The following DLGAP2 variants were observed in gnomAD, a reference collection of about 807,000 sequenced individuals.
The protein encoded by DLGAP2 is DLG associated protein 2.
In DLGAP2, 26 loss-of-function variants were observed where a neutral mutation model predicts 100.3. That is an observed-to-expected ratio of 0.26 (90% CI 0.19 to 0.36). DLGAP2 has a LOEUF of 0.36. DLGAP2 is among the 10% of genes least tolerant of loss of function. DLGAP2 has a pLI of 1.00. For missense variants in DLGAP2, 1,858 were observed against 1,453.2 expected (o/e 1.28, Z -4.53); for synonymous variants, 886 against 630.1 (o/e 1.41, Z -6.08).
At chr8:1,420,879 C>T (rs542398610) in intron 3 of DLGAP2, among the ~76,000 whole-genome samples, 3 of 152,304 alleles carry the variant, frequency 2.0e-5, no homozygotes, top group Admixed American at 6.5e-5. Flanking sequence ...TTGGTGTCTT[C>T]GTTGCCTGGG....
intron 2 of DLGAP2, among the ~76,000 whole-genome samples, chr8:1,167,402 T>C (rs1260066933): frequency 1.3e-5 from 2 of 151,770 alleles, no homozygotes; most frequent in Non-Finnish European, 2.9e-5. Flanking sequence ...CAGAGAGGGG[T>C]GAGGCTGGCA....
At chr8:1,364,624 T>G (rs1802067699) in intron 3 of DLGAP2, among the ~76,000 whole-genome samples, 1 of 152,246 alleles carries the variant, frequency 6.6e-6, no homozygotes. Flanking sequence ...TCAGTGGTTC[T>G]GTCAGTGACA....
chr8:1,535,202 A>T (rs1051039106), intron 4 of DLGAP2, among the ~76,000 whole-genome samples: 12 of 152,176 alleles, frequency 7.9e-5, no homozygotes, highest in African/African-American at 2.4e-4. Context: ...CTGTGAAGAC[A>T]CTCAGAGGGC....
At chr8:1,267,958 A>C (rs1799502847) in intron 3 of DLGAP2, among the ~76,000 whole-genome samples, 1 of 152,334 alleles carries the variant, frequency 6.6e-6, no homozygotes, top group South Asian at 2.1e-4. Context: ...TTACAATATA[A>C]GTGCTGCATT....
chr8:1,260,579 A>G (rs544162211), intron 3 of DLGAP2, among the ~76,000 whole-genome samples: 3 of 151,478 alleles, frequency 2.0e-5, no homozygotes, highest in African/African-American at 7.3e-5. Context: ...ATCACCCCGG[A>G]GTCCTGGCTC....
chr8:921,501 C>T (rs1480217467), intron 2 of DLGAP2, among the ~76,000 whole-genome samples: 3 of 152,236 alleles, frequency 2.0e-5, no homozygotes, highest in Non-Finnish European at 2.9e-5. Context: ...GGCCACGTGG[C>T]CACGTGCTTT....
chr8:1,190,752 G>A (rs578250605), intron 2 of DLGAP2, among the ~76,000 whole-genome samples: 1 of 152,270 alleles, frequency 6.6e-6, no homozygotes, highest in South Asian at 2.1e-4. Context: ...CTTACACCAG[G>A]GGCAGACCCA....
chr8:816,252 T>C (rs989535140), intron 1 of DLGAP2, among the ~76,000 whole-genome samples: 3 of 148,604 alleles, frequency 2.0e-5, no homozygotes, highest in Non-Finnish European at 4.4e-5. Flanking sequence ...TTCATCATGC[T>C]ATTTGTTTCC....
chr8:779,296 G>A (rs984410455), intron 1 of DLGAP2, among the ~76,000 whole-genome samples: 3 of 152,160 alleles, frequency 2.0e-5, no homozygotes, highest in Non-Finnish European at 2.9e-5. Flanking sequence ...GAAATCACCC[G>A]TCTTCTGCCT....
chr8:1,025,574 C>G (rs942573139), intron 2 of DLGAP2, among the ~76,000 whole-genome samples: 9 of 152,200 alleles, frequency 5.9e-5, no homozygotes, highest in African/African-American at 2.2e-4. Context: ...CGGAGAGCAG[C>G]TGTGTGGAAT....
At chr8:1,217,022 T>C (rs1297813219) in intron 2 of DLGAP2, among the ~76,000 whole-genome samples, 1 of 152,160 alleles carries the variant, frequency 6.6e-6, no homozygotes, top group Non-Finnish European at 1.5e-5. Context: ...ATAAATTGCC[T>C]AGCTGGGGTT....
At chr8:970,224 T>C (rs1046377365) in intron 2 of DLGAP2, among the ~76,000 whole-genome samples, 14 of 152,218 alleles carry the variant, frequency 9.2e-5, no homozygotes, top group African/African-American at 3.4e-4. Flanking sequence ...TTGGTGACAA[T>C]ATTGTTACTG....
chr8:1,195,442 G>C (rs189839895), intron 2 of DLGAP2, among the ~76,000 whole-genome samples: 116 of 152,296 alleles, frequency 7.6e-4, no homozygotes, highest in African/African-American at 2.7e-3. Flanking sequence ...TGGGAAACAG[G>C]CTGCACAGTG....
At chr8:810,875 G>A (rs926324782) in intron 1 of DLGAP2, among the ~76,000 whole-genome samples, 2 of 152,216 alleles carry the variant, frequency 1.3e-5, no homozygotes, top group African/African-American at 4.8e-5. Flanking sequence ...ACACGGAATT[G>A]CAAACTTGAT....
At chr8:1,263,282 T>TA (rs1233213882) in intron 3 of DLGAP2, among the ~76,000 whole-genome samples, 2 of 152,202 alleles carry the variant, frequency 1.3e-5, no homozygotes, top group African/African-American at 4.8e-5. Context: ...ATTCAAGTCT[T>TA]AAAAAAACTA....
At chr8:1,525,584 T>G (rs772183414) in intron 4 of DLGAP2, among the ~76,000 whole-genome samples, 2 of 152,232 alleles carry the variant, frequency 1.3e-5, no homozygotes, top group Non-Finnish European at 2.9e-5. Context: ...AAAGATTTAG[T>G]GAATTCCCAG....
intron 2 of DLGAP2, among the ~76,000 whole-genome samples, chr8:1,090,027 C>A (rs1355147823): frequency 6.6e-6 from 1 of 150,834 alleles, no homozygotes; most frequent in East Asian, 2.0e-4. Context: ...CCCTCCTGGC[C>A]AGGCAGGGGT....
chr8:1,112,783 G>T (rs1307241587), intron 2 of DLGAP2, among the ~76,000 whole-genome samples: 2 of 152,028 alleles, frequency 1.3e-5, no homozygotes, highest in Admixed American at 1.3e-4. Context: ...TGAAATCTTT[G>T]CTCATTCAGG....
At chr8:1,449,058 G>A (rs919808413) in intron 3 of DLGAP2, among the ~76,000 whole-genome samples, 2 of 152,192 alleles carry the variant, frequency 1.3e-5, no homozygotes, top group Non-Finnish European at 2.9e-5. Context: ...GGCACATCCC[G>A]GCCCCCCAGA....
Sources: gnomAD v4.1 joint callset for allele counts (sites outside exome capture counted in the v4.1 genomes callset) on GRCh38, gnomAD v4.1.1 for gene constraint, MANE v1.5 for transcripts, NCBI Gene and HGNC (gene_info 2026-07-23, HGNC 2026-07-21) for gene names.